BID: variants seen among roughly 807,000 people sequenced by gnomAD.
The protein encoded by BID is BH3 interacting domain death agonist.
A neutral mutation model predicts 17.4 loss-of-function variants in BID; 19 were observed. The ratio of observed to expected loss-of-function variants is 1.09; its 90% confidence interval spans 0.76 to 1.60. BID has a LOEUF of 1.60. BID is among the 40% of genes most tolerant of loss of function. The probability of loss-of-function intolerance (pLI) is 0.00; values close to 1 mark genes in which losing one functional copy is unlikely to be tolerated. For missense variants in BID, 226 were observed against 256.0 expected (o/e 0.88, Z 0.80); for synonymous variants, 108 against 102.8 (o/e 1.05, Z -0.31).
chr22:17,768,902 C>T (rs1434853442), intron 1 of BID, among the ~76,000 whole-genome samples: 1 of 143,326 alleles, frequency 7.0e-6, no homozygotes, highest in African/African-American at 2.6e-5. Context: ...ATTAGCCGGG[C>T]GTGGTGGTGG....
chr22:17,735,379 T>G lies in BID; in HGVS notation c.*201A>C. The G allele has an allele frequency of 1.7e-6, 1 of 604,510 alleles. No homozygotes were observed. The highest frequency in any genetic ancestry group is 2.1e-5 in the South Asian group (1 of 48,004). 37.4% of individuals were successfully genotyped at this position (604,510 alleles called of 1,614,324 possible). On this transcript the variant is annotated 3_prime_UTR_variant, in exon 6 of 6. Transcript: ENST00000622694. ...CATTCAAATACGTGTAAATGGACAT[T>G]TTCATTCAAGTATATTAATGTAGAT...
At chr22:17,748,334 C>G (rs1427561714) in intron 2 of BID, among the ~76,000 whole-genome samples, 2 of 150,764 alleles carry the variant, frequency 1.3e-5, no homozygotes, top group Non-Finnish European at 3.0e-5. Context: ...ACGGTGAAAC[C>G]CCGTCTTTAC....
At position 17,735,373 on chromosome 22, in the gene BID, G is replaced by A. The variant is rs1226089826; in HGVS notation, c.*207C>T. ...GAAGGCCATTCAAATACGTGTAAAT[G>A]GACATTTTCATTCAAGTATATTAAT... On this transcript the variant is annotated 3_prime_UTR_variant, in exon 6 of 6. Transcript: ENST00000622694. The A allele has an allele frequency of 3.2e-5, 19 of 597,730 alleles. No individual in the cohort carries two copies. The highest frequency in any genetic ancestry group is 5.6e-5 in the Non-Finnish European group (19 of 341,364). 37.0% of individuals were successfully genotyped at this position (597,730 alleles called of 1,614,324 possible). A position where few individuals can be genotyped will look rare whatever the true frequency, so the allele number is the denominator to read the frequency against.
At chr22:17,761,413 A>T (rs1474741542) in intron 1 of BID, among the ~76,000 whole-genome samples, 2 of 149,530 alleles carry the variant, frequency 1.3e-5, no homozygotes, top group African/African-American at 4.9e-5. Context: ...CACAGAAAGG[A>T]AAGAATAATC....
chr22:17,745,110 G>C (rs1195223490), intron 2 of BID, among the ~76,000 whole-genome samples: 7 of 152,166 alleles, frequency 4.6e-5, no homozygotes, highest in Non-Finnish European at 1.0e-4. Flanking sequence ...GAGTGCAGTG[G>C]TGTGATCTCG....
intron 3 of BID, chr22:17,739,871 C>G (rs1483523567): frequency 2.4e-5 from 15 of 626,060 alleles, no homozygotes; most frequent in Non-Finnish European, 3.9e-5. Context: ...GGAAGGGGCT[C>G]TGTGGGCAGA....
At chr22:17,737,386 G>A (rs1421629106) in intron 5 of BID, among the ~76,000 whole-genome samples, 11 of 151,620 alleles carry the variant, frequency 7.3e-5, no homozygotes, top group Non-Finnish European at 8.8e-5. Context: ...TTGCTCTGTC[G>A]CCCAGGCTAA....
rs1442678937 is a variant in BID, at chr22:17,766,032, G to A, written c.-59+8349C>T. On this transcript the variant is annotated intron_variant, in intron 1 of 5. Transcript: ENST00000622694. The stretch of plus-strand genomic sequence containing the variant: ...CAGCCTCAACCTCCCGGGCTCAGGC[G>A]ATCCTCCCCCCTCAGCCTCCAGAGC... Among the ~76,000 whole-genome samples the A allele has an allele frequency of 2.0e-5, 3 of 152,178 alleles. No individual in the cohort carries two copies. In the East Asian group the frequency reaches 5.8e-4, roughly 29 times the overall value.
intron 5 of BID, among the ~76,000 whole-genome samples, chr22:17,736,763 C>T (rs558799240): frequency 1.3e-5 from 2 of 151,978 alleles, no homozygotes; most frequent in Non-Finnish European, 2.9e-5. Context: ...CTGCCTCAAC[C>T]TCCATGACGG....
At chr22:17,749,065 C>G (rs1301830497) in intron 2 of BID, among the ~76,000 whole-genome samples, 1 of 152,240 alleles carries the variant, frequency 6.6e-6, no homozygotes, top group African/African-American at 2.4e-5. Flanking sequence ...GTGCCGGGTG[C>G]TCTCCATGCT....
intron 1 of BID, among the ~76,000 whole-genome samples, chr22:17,755,860 T>C (rs1436599613): frequency 6.6e-6 from 1 of 150,974 alleles, no homozygotes; most frequent in Non-Finnish European, 1.5e-5. Flanking sequence ...TCCTTTTTGG[T>C]TTTTTGTTTG....
chr22:17,750,229 C>T, intron 1 of BID, 55 bp from the exon 2 acceptor site: 1 of 1,510,356 alleles, frequency 6.6e-7, no homozygotes, highest in South Asian at 1.2e-5. Flanking sequence ...TGGTCAGGAC[C>T]CCTCGGGAGG....
rs528883426 is a variant in BID at position 17,739,603 on chromosome 22, C to A, written c.224-115G>T. 3.7e-5 allele frequency: 51 copies of A among 1,361,768 alleles called. No homozygotes were observed. The African/African-American group carries it at 5.7e-4, about 15-fold the overall frequency. The allele number at this position is 1,361,768 out of a possible 1,614,324, so 84.4% of individuals were successfully genotyped here. The stretch of plus-strand genomic sequence containing the variant: ...AGGTCCGCGATGGGACAAGGCCAGC[C>A]CCCACTGGGCACGTGCTCCACTCCA... On this transcript the variant is annotated intron_variant, in intron 3 of 5. Transcript: ENST00000622694.
At chr22:17,743,461 T>C (rs1427503683) in intron 3 of BID, among the ~76,000 whole-genome samples, 2 of 152,250 alleles carry the variant, frequency 1.3e-5, no homozygotes, top group African/African-American at 2.4e-5. Context: ...AGACAAGTGG[T>C]CTGCAATCTT....
At chr22:17,748,764 C>G (rs963546159) in intron 2 of BID, among the ~76,000 whole-genome samples, 5 of 152,170 alleles carry the variant, frequency 3.3e-5, no homozygotes, top group Non-Finnish European at 7.3e-5. Flanking sequence ...CCTCCTCCGG[C>G]GAGTCAGGGC....
intron 1 of BID, among the ~76,000 whole-genome samples, chr22:17,752,019 T>TC (rs1468254660): frequency 1.1e-4 from 16 of 152,018 alleles, no homozygotes; most frequent in Non-Finnish European, 2.1e-4. Context: ...AGGTCTGGAA[T>TC]CCCCGCCCCT....
intron 3 of BID, chr22:17,740,388 G>T: frequency 1.8e-6 from 1 of 548,434 alleles, no homozygotes; most frequent in South Asian, 2.1e-5. Context: ...GCAGTGAGCC[G>T]TGATTGCACC....
intron 1 of BID, among the ~76,000 whole-genome samples, chr22:17,765,699 G>C (rs964405051): frequency 1.3e-5 from 2 of 152,188 alleles, no homozygotes; most frequent in Admixed American, 6.5e-5. Context: ...CTGAAGAAAA[G>C]GGGGGAAGGA....
In BID at chr22:17,773,499, T is replaced by G. The variant is rs569369459; in HGVS notation, c.-59+882A>C. 6 of 1,126,980 alleles carry G rather than the reference T, an allele frequency of 5.3e-6. No homozygotes were observed. Among genetic ancestry groups the G allele is most frequent in the East Asian group, 2.5e-5 (1 of 39,870 alleles). 69.8% of individuals were successfully genotyped at this position (1,126,980 alleles called of 1,614,324 possible). A position where few individuals can be genotyped will look rare whatever the true frequency, so the allele number is the denominator to read the frequency against. The stretch of plus-strand genomic sequence containing the variant: ...AGGCTCCAGGAAGGGGGTGCAAGCC[T>G]GAGAAGGTGGAAGAGCTCTGGGTGG... On this transcript the variant is annotated intron_variant, in intron 1 of 5. Coordinates refer to ENST00000622694, the MANE Select transcript of BID (RefSeq NM_001196.4). This position sits in a 1 kb window ranked among gnomAD's most constrained non-coding sequence, Gnocchi z 4.4.
Sources: gnomAD v4.1 joint callset for allele counts (sites outside exome capture counted in the v4.1 genomes callset) on GRCh38, gnomAD v4.1.1 for gene constraint, Gnocchi (gnomAD v3.1) non-coding constraint, MANE v1.5 for transcripts, NCBI Gene and HGNC (gene_info 2026-07-23, HGNC 2026-07-21) for gene names.